Variants in CCNDBP1 observed in about 807,000 individuals in gnomAD.
The protein encoded by CCNDBP1 is cyclin D1 binding protein 1, also known as cyclin-D1-binding protein 1.
A neutral mutation model predicts 46.2 loss-of-function variants in CCNDBP1; 45 were observed. That is an observed-to-expected ratio of 0.97 (90% CI 0.77 to 1.25). The LOEUF is 1.25. Ranked by LOEUF, CCNDBP1 falls within the 50% of genes most tolerant of loss-of-function variation. The pLI, the probability that CCNDBP1 is intolerant of heterozygous loss-of-function variation, is 0.00. For missense variants in CCNDBP1, 436 were observed against 442.1 expected, an observed-to-expected ratio of 0.99 and a Z score of 0.12; for synonymous variants, 154 against 163.6, an observed-to-expected ratio of 0.94 and a Z score of 0.45.
chr15:43,185,874 G>T lies in CCNDBP1; in HGVS notation c.164G>T (p.Arg55Ile). 6.2e-7 allele frequency: 1 copy of T among 1,610,784 alleles called. No homozygotes were observed. The highest frequency in any genetic ancestry group is 8.5e-7 in the Non-Finnish European group (1 of 1,179,802). The stretch of plus-strand genomic sequence containing the variant: ...TTTAATCGAGAGATGTTCTGGAGAA[G>T]ACTCAGTGAGTGCGCCTCCTTCCGG... The part of the protein sequence containing the change: ...EEFNREMFWR[R>I]LNEAAVTVSR... Residue 55 changes from arginine to isoleucine, a missense_variant, in exon 2 of 11, where the codon AGA becomes ATA. Arg to Ile is a moderately conservative substitution (Grantham distance 97). Transcript: ENST00000300213.
Position 43,185,810 on chromosome 15 carries a change from C to T in CCNDBP1, c.110-10C>T. On this transcript the variant is annotated splice_polypyrimidine_tract_variant and intron_variant, in intron 1 of 10. Transcript: ENST00000300213. Reference sequence around the variant, plus strand: ...GCCACCGTTCGGCCCCCACACGCCACACCCACAAGTCGGCGAAGCCCAGGA... The same window carrying T: ...GCCACCGTTCGGCCCCCACACGCCATACCCACAAGTCGGCGAAGCCCAGGA... The T allele has an allele frequency of 6.2e-7, 1 of 1,610,224 alleles. No individual in the cohort carries two copies. The highest frequency in any genetic ancestry group is 8.5e-7 in the Non-Finnish European group (1 of 1,179,858).
In CCNDBP1 at chr15:43,192,727, T is replaced by A. The variant is rs1567265186; in HGVS notation, c.861-16T>A. The stretch of plus-strand genomic sequence containing the variant: ...GCGTTTTTTTGTTAATGATTACTTT[T>A]GTTTTCTGCTCTTAGTGTGGATGAT... On this transcript the variant is annotated splice_polypyrimidine_tract_variant and intron_variant, in intron 8 of 10. Transcript: ENST00000300213. The A allele has an allele frequency of 2.5e-6, 4 of 1,613,498 alleles. No homozygotes were observed. Among genetic ancestry groups the A allele is most frequent in the Non-Finnish European group, 3.4e-6 (4 of 1,179,514 alleles).
rs1462717462 is a variant in CCNDBP1 at position 43,190,082 on chromosome 15, G to A, written c.359G>A (p.Gly120Asp). ...QGITLRKLVR[G>D]ATLDIVDGMA... ...ATCACCCTGAGAAAGCTGGTACGGGGCGCCACCCTGGACATCGTGGATGGC... is the reference window on the plus strand; with the variant it reads ...ATCACCCTGAGAAAGCTGGTACGGGACGCCACCCTGGACATCGTGGATGGC... The change falls in exon 5 of 11, where the codon GGC becomes GAC. Residue 120 changes from glycine to aspartate, a missense_variant. Transcript: ENST00000300213. The A allele has an allele frequency of 1.2e-6, 2 of 1,613,960 alleles. No individual in the cohort carries two copies. The highest frequency in any genetic ancestry group is 1.7e-6 in the Non-Finnish European group (2 of 1,180,016).
chr15:43,192,705 T>C (rs1464486749), intron 8 of CCNDBP1, 38 bp from the exon 9 acceptor site: 1 of 1,600,650 alleles, frequency 6.2e-7, no homozygotes, highest in Non-Finnish European at 8.6e-7. Flanking sequence ...CCTGGCTGCG[T>C]TTTTTTGTTA....
In CCNDBP1 at chr15:43,189,750, T is replaced by C. The variant is rs1438143941; in HGVS notation, c.332-305T>C. On this transcript the variant is annotated intron_variant, in intron 4 of 10. Coordinates refer to ENST00000300213, the MANE Select transcript of CCNDBP1 (RefSeq NM_012142.5). ...ACATGTCATGGATCTTCAGGGTTAC[T>C]CAAGTGGCTTAAACTTCAAGTGTTT... The C allele has an allele frequency of 5.3e-5, 21 of 397,706 alleles. No individual in the cohort carries two copies. In the East Asian group the frequency reaches 9.4e-4, roughly 18 times the overall value. 24.6% of individuals were successfully genotyped at this position (397,706 alleles called of 1,614,324 possible).
At chr15:43,188,167 C>G (rs2041883512) in intron 3 of CCNDBP1, among the ~76,000 whole-genome samples, 1 of 152,110 alleles carries the variant, frequency 6.6e-6, no homozygotes, top group Admixed American at 6.5e-5. Context: ...TAGACTGGCT[C>G]CAACCTGGAC....
chr15:43,192,738 C>G lies in CCNDBP1; in HGVS notation c.861-5C>G, dbSNP rs757792145. The G allele has an allele frequency of 1.2e-5, 19 of 1,613,962 alleles. No homozygotes were observed. The Middle Eastern group carries it at 2.1e-3, about 182-fold the overall frequency. Reference sequence around the variant, plus strand: ...TTAATGATTACTTTTGTTTTCTGCTCTTAGTGTGGATGATTTGGCTCTGAG... The same window carrying G: ...TTAATGATTACTTTTGTTTTCTGCTGTTAGTGTGGATGATTTGGCTCTGAG... On this transcript the variant is annotated splice_region_variant and splice_polypyrimidine_tract_variant and intron_variant, in intron 8 of 10. Coordinates refer to ENST00000300213, the MANE Select transcript of CCNDBP1 (RefSeq NM_012142.5).
chr15:43,191,318 G>A (rs2041947018), intron 7 of CCNDBP1, 77 bp from the exon 8 acceptor site: 3 of 1,431,264 alleles, frequency 2.1e-6, no homozygotes, highest in East Asian at 2.3e-5. Context: ...AGACATCGTG[G>A]TAAAAGTATA....
chr15:43,186,325 G>C, intron 3 of CCNDBP1, 92 bp downstream of exon 3: 2 of 986,054 alleles, frequency 2.0e-6, no homozygotes, highest in Admixed American at 2.1e-5. Context: ...CACGCCAGGA[G>C]ATTTCTTTTC....
At position 43,185,877 on chromosome 15, in the gene CCNDBP1, T is replaced by C; in HGVS notation, c.167T>C (p.Leu56Pro). The C allele has an allele frequency of 6.2e-7, 1 of 1,610,446 alleles. No homozygotes were observed. Among genetic ancestry groups the C allele is most frequent in the Non-Finnish European group, 8.5e-7 (1 of 1,179,670 alleles). Reference protein sequence around the residue: ...EFNREMFWRRLNEAAVTVSRE... With the variant: ...EFNREMFWRRPNEAAVTVSRE... ...AATCGAGAGATGTTCTGGAGAAGAC[T>C]CAGTGAGTGCGCCTCCTTCCGGGCT... Residue 56 changes from leucine to proline, a missense_variant and splice_region_variant, in exon 2 of 11, where the codon CTC becomes CCC. Transcript: ENST00000300213.
rs2042007771 is a variant in CCNDBP1 at position 43,194,215 on chromosome 15, AATAGTATTAATAAGATCTTGC to A, written c.922-199_922-179del. On this transcript the variant is annotated intron_variant, in intron 9 of 10. Transcript: ENST00000300213. ...AAAAATCTTATTAAAATGTTATAGC[AATAGTATTAATAAGATCTTGC>A]TAAATAGAAAAGAACCCGTAATCCT... 12 of 506,904 alleles carry A rather than the reference AATAGTATTAATAAGATCTTGC, an allele frequency of 2.4e-5. 1 individual carries two copies. The highest frequency in any genetic ancestry group is 9.7e-4 in the Middle Eastern group (2 of 2,070). 31.4% of individuals were successfully genotyped at this position (506,904 alleles called of 1,614,324 possible).
chr15:43,192,333 C>T (rs1172144441), intron 8 of CCNDBP1, among the ~76,000 whole-genome samples: 1 of 152,178 alleles, frequency 6.6e-6, no homozygotes, highest in East Asian at 1.9e-4. Flanking sequence ...TAGGGAGGCA[C>T]ATGATGTTGG....
At position 43,190,056 on chromosome 15, in the gene CCNDBP1, G is replaced by T. The variant is rs1183708224; in HGVS notation, c.333G>T (p.Gly111=). The T allele has an allele frequency of 1.2e-6, 2 of 1,613,898 alleles. No individual in the cohort carries two copies. Among genetic ancestry groups the T allele is most frequent in the African/African-American group, 2.7e-5 (2 of 74,916 alleles). Residue 111 remains glycine (G), a splice_region_variant and synonymous_variant, in exon 5 of 11, where the codon GGG becomes GGT. Transcript: ENST00000300213. ...CTTATTCTTTGGGTTTGGCCACAGGGATCACCCTGAGAAAGCTGGTACGGG... is the reference window on the plus strand; with the variant it reads ...CTTATTCTTTGGGTTTGGCCACAGGTATCACCCTGAGAAAGCTGGTACGGG... ...AVYYLLPKDQ[G]ITLRKLVRGA... is the part of the protein sequence containing the mutation.
Position 43,190,100 on chromosome 15 carries a change from T to C in CCNDBP1, c.377T>C (p.Val126Ala). Residue 126 changes from valine (V) to alanine (A), a missense_variant, in exon 5 of 11, where the codon GTG (valine) becomes GCG (alanine). Transcript: ENST00000300213. The part of the protein sequence containing the change: ...KLVRGATLDI[V>A]DGMAQLMEVL... ...GTACGGGGCGCCACCCTGGACATCG[T>C]GGATGGCATGGCTCAGCTCATGGAA... 1 of 1,614,158 alleles carries C rather than the reference T, an allele frequency of 6.2e-7. No individual in the cohort carries two copies. Among genetic ancestry groups the C allele is most frequent in the Non-Finnish European group, 8.5e-7 (1 of 1,180,022 alleles).
chr15:43,197,109 G>GA lies in CCNDBP1; in HGVS notation c.*2270dup. Reference sequence around the variant, plus strand: ...CTTCCTGCATAAGTGGAAGCAGCCTGAAGCCCTCACTGTTTCTTGTACAGC... The same window carrying GA: ...CTTCCTGCATAAGTGGAAGCAGCCTGAAAGCCCTCACTGTTTCTTGTACAGC... On this transcript the variant is annotated 3_prime_UTR_variant, in exon 11 of 11. Coordinates refer to ENST00000300213, the MANE Select transcript of CCNDBP1 (RefSeq NM_012142.5). The GA allele has an allele frequency of 2.8e-6, 2 of 711,020 alleles. No individual in the cohort carries two copies. The highest frequency in any genetic ancestry group is 4.7e-6 in the Non-Finnish European group (2 of 428,308). 44.0% of individuals were successfully genotyped at this position (711,020 alleles called of 1,614,324 possible). A position where few individuals can be genotyped will look rare whatever the true frequency, so the allele number is the denominator to read the frequency against.
rs571840684 is a variant in CCNDBP1 at position 43,196,149 on chromosome 15, G to T, written c.*1308G>T. ...AGACTTTAATTGTGGGATACTTAAT[G>T]AATATAGAACTCTAATATAAAGACT... On this transcript the variant is annotated 3_prime_UTR_variant, in exon 11 of 11. Coordinates refer to ENST00000300213, the MANE Select transcript of CCNDBP1 (RefSeq NM_012142.5). 1 of 152,008 alleles carries T rather than the reference G, an allele frequency of 6.6e-6. No individual in the cohort carries two copies. The highest frequency in any genetic ancestry group is 1.9e-4 in the East Asian group (1 of 5,180). The allele number at this position is 152,008 out of a possible 1,614,324, so 9.4% of individuals were successfully genotyped here.
At chr15:43,192,613 C>T in intron 8 of CCNDBP1, 130 bp from the exon 9 acceptor site, 1 of 749,708 alleles carries the variant, frequency 1.3e-6, no homozygotes, top group Non-Finnish European at 2.3e-6. Flanking sequence ...ATTGGTTGCC[C>T]AGTTGCCCAA....
intron 4 of CCNDBP1, 57 bp downstream of exon 4, chr15:43,189,337 T>A: frequency 9.7e-7 from 1 of 1,033,294 alleles, no homozygotes; most frequent in Non-Finnish European, 1.4e-6. Context: ...TTGTGGATTA[T>A]GTCTTGTGAC....
At chr15:43,194,113 C>T in intron 9 of CCNDBP1, 1 of 189,632 alleles carries the variant, frequency 5.3e-6, no homozygotes, top group Non-Finnish European at 9.5e-6. Flanking sequence ...ATATTTTGAG[C>T]TATCAGCATT....
Sources: allele counts gnomAD v4.1 joint callset (sites outside exome capture counted in the v4.1 genomes callset), GRCh38; gene constraint gnomAD v4.1.1; transcripts MANE v1.5; gene names NCBI Gene and HGNC (gene_info 2026-07-23, HGNC 2026-07-21).